The following ABCG2 variants were observed in gnomAD, a reference collection of about 807,000 sequenced individuals.
ABCG2 encodes broad substrate specificity ATP-binding cassette transporter ABCG2.
A neutral mutation model predicts 73.5 loss-of-function variants in ABCG2; 80 were observed. That is an observed-to-expected ratio of 1.09 (90% CI 0.91 to 1.31). The LOEUF is 1.31. Ranked by LOEUF, ABCG2 falls within the 50% of genes most tolerant of loss-of-function variation. The pLI is 0.00. For synonymous variants in ABCG2, 269 were observed against 282.4 expected, an observed-to-expected ratio of 0.95 and a Z score of 0.48; for missense variants, 796 against 786.2, an observed-to-expected ratio of 1.01 and a Z score of -0.15.
rs184709783 is a variant in ABCG2 at position 88,182,024 on chromosome 4, A to G, written c.-19-42010T>C. Among the ~76,000 whole-genome samples, 588 of 152,264 alleles carry G rather than the reference A, an allele frequency of 3.9e-3. 2 individuals are homozygous for G. The highest frequency in any genetic ancestry group is 0.013 in the African/African-American group (552 of 41,560). ...AAAAACAAAACTCAATGATCTATTG[A>G]CTGCAAGAAACACTTCACCTATAAA... On this transcript the variant is annotated intron_variant, in intron 1 of 15. Coordinates refer to the ABCG2 transcript ENST00000515655.
intron 1 of ABCG2, among the ~76,000 whole-genome samples, chr4:88,141,791 A>G (rs1238700155): frequency 6.6e-6 from 1 of 152,202 alleles, no homozygotes; most frequent in African/African-American, 2.4e-5. Context: ...ACAGAACCTG[A>G]TGTTCCGGAA....
At chr4:88,192,541 T>C (rs560443494) in intron 1 of ABCG2, among the ~76,000 whole-genome samples, 8 of 151,776 alleles carry the variant, frequency 5.3e-5, no homozygotes, top group Admixed American at 4.6e-4. Context: ...TGCCTCAGCC[T>C]CCCGAGTAGC....
rs1157077414 is a variant in ABCG2 at position 88,113,304 on chromosome 4, T to C, written c.1193A>G (p.Gln398Arg). The change falls in exon 9 of 16, where the codon CAG (glutamine) becomes CGG (arginine). Residue 398 changes from glutamine to arginine, a missense_variant and splice_region_variant. Coordinates refer to ENST00000237612, the MANE Select transcript of ABCG2 (RefSeq NM_004827.3). ...LLGNPQASIA[Q>R]IIVTVVLGLV... ...ATTTCAAAAGAATCTGCTGGTTACCTGAGCTATAGAGGCCTGGGGATTACC... is the reference window on the plus strand; with the variant it reads ...ATTTCAAAAGAATCTGCTGGTTACCCGAGCTATAGAGGCCTGGGGATTACC... 1 of 1,612,284 alleles carries C rather than the reference T, an allele frequency of 6.2e-7. No homozygotes were observed. The highest frequency in any genetic ancestry group is 1.3e-5 in the African/African-American group (1 of 74,780).
At chr4:88,100,478 G>C (rs1316585943) in intron 11 of ABCG2, among the ~76,000 whole-genome samples, 1 of 151,408 alleles carries the variant, frequency 6.6e-6, no homozygotes, top group Non-Finnish European at 1.5e-5. Context: ...ACTCCAGCCT[G>C]GGAGACAGAG....
rs566154813 is a variant in ABCG2 at position 88,203,552 on chromosome 4, G to A, written c.-20+27442C>T. Among the ~76,000 whole-genome samples, 10 of 152,206 alleles carry A rather than the reference G, an allele frequency of 6.6e-5. No homozygotes were observed. In the East Asian group the frequency reaches 1.4e-3, roughly 21 times the overall value. On this transcript the variant is annotated intron_variant, in intron 1 of 15. Coordinates refer to the ABCG2 transcript ENST00000515655. The stretch of plus-strand genomic sequence containing the variant: ...TTGGGTCACCTGAGGCCACGAGTTC[G>A]AGACTAGCCTGGCCAACATGGGGAA...
At chr4:88,154,856 T>C (rs1437152070) in intron 1 of ABCG2, among the ~76,000 whole-genome samples, 1 of 152,080 alleles carries the variant, frequency 6.6e-6, no homozygotes, top group Non-Finnish European at 1.5e-5. Context: ...GAGAGTGAGT[T>C]GAGCATAGTT....
At chr4:88,192,935 A>G (rs962017232) in intron 1 of ABCG2, among the ~76,000 whole-genome samples, 3 of 150,110 alleles carry the variant, frequency 2.0e-5, no homozygotes, top group African/African-American at 7.4e-5. Flanking sequence ...CTGGTCTCAA[A>G]CTCCTGACCT....
intron 7 of ABCG2, among the ~76,000 whole-genome samples, chr4:88,115,530 C>T (rs1295990330): frequency 2.7e-5 from 4 of 149,944 alleles, no homozygotes; most frequent in African/African-American, 4.9e-5. Flanking sequence ...GTGATCCACC[C>T]GCCTCGGCCT....
At position 88,172,594 on chromosome 4, in the gene ABCG2, ATT is replaced by A. The variant is rs1491560317; in HGVS notation, c.-19-32582_-19-32581del. Among the ~76,000 whole-genome samples the A allele has an allele frequency of 1.5e-4, 19 of 124,902 alleles. 1 individual carries two copies. The East Asian group carries it at 1.8e-3, about 12-fold the overall frequency. 81.9% of individuals were successfully genotyped at this position (124,902 alleles called of 152,430 possible). ...CTCTGTCTCAGGGAAAAAAAAAAAA[ATT>A]AATTAATTAATTAAATTAATAAGTA... On this transcript the variant is annotated intron_variant, in intron 1 of 15. Transcript: ENST00000515655.
At chr4:88,101,699 T>C (rs1475701536) in intron 10 of ABCG2, among the ~76,000 whole-genome samples, 1 of 152,104 alleles carries the variant, frequency 6.6e-6, no homozygotes, top group East Asian at 1.9e-4. Context: ...AAGAGCGTCC[T>C]AATAGGAAGA....
At chr4:88,204,509 T>C (rs1306693276) in intron 1 of ABCG2, among the ~76,000 whole-genome samples, 1 of 152,178 alleles carries the variant, frequency 6.6e-6, no homozygotes, top group Non-Finnish European at 1.5e-5. Flanking sequence ...ATGTTTAGGG[T>C]CCCATTTGGA....
intron 1 of ABCG2, among the ~76,000 whole-genome samples, chr4:88,219,260 C>T (rs931544939): frequency 4.6e-5 from 7 of 152,170 alleles, no homozygotes; most frequent in African/African-American, 1.7e-4. Context: ...CGCAAGTATT[C>T]ACTGAATAGC....
At chr4:88,192,672 G>C (rs1409405191) in intron 1 of ABCG2, among the ~76,000 whole-genome samples, 1 of 150,814 alleles carries the variant, frequency 6.6e-6, no homozygotes, top group Non-Finnish European at 1.5e-5. Flanking sequence ...ACCTACCTCT[G>C]TCTCCCAATG....
chr4:88,170,984 C>T (rs1014686792), intron 1 of ABCG2, among the ~76,000 whole-genome samples: 2 of 152,010 alleles, frequency 1.3e-5, no homozygotes, highest in African/African-American at 2.4e-5. Flanking sequence ...CGGATGGAGC[C>T]GGAGACTATT....
At position 88,170,576 on chromosome 4, in the gene ABCG2, G is replaced by A. The variant is rs147307831; in HGVS notation, c.-19-30562C>T. 6.1e-3 allele frequency among the ~76,000 whole-genome samples: 935 copies of A among 152,312 alleles called. 26 individuals carry two copies. In the South Asian group the frequency reaches 0.088, roughly 14 times the overall value. Reference sequence around the variant, plus strand: ...AGATAAGCTACTAGGGCAAGCCCACGCCACCTGGCACCTACTAGCCCCCTT... The same window carrying A: ...AGATAAGCTACTAGGGCAAGCCCACACCACCTGGCACCTACTAGCCCCCTT... On this transcript the variant is annotated intron_variant, in intron 1 of 15. Transcript: ENST00000515655.
chr4:88,191,083 A>C (rs1193655817), intron 1 of ABCG2, among the ~76,000 whole-genome samples: 1 of 151,114 alleles, frequency 6.6e-6, no homozygotes, highest in Non-Finnish European at 1.5e-5. Flanking sequence ...AAAAATACAC[A>C]CACAAAAAAA....
At chr4:88,219,575 A>ATT (rs1729933644) in intron 1 of ABCG2, among the ~76,000 whole-genome samples, 4 of 68,388 alleles carry the variant, frequency 5.8e-5, no homozygotes, top group Admixed American at 2.3e-4. Context: ...GTACCATTCA[A>ATT]ATTTTTTTTT....
intron 1 of ABCG2, among the ~76,000 whole-genome samples, chr4:88,176,022 G>A (rs1727952331): frequency 6.6e-6 from 1 of 152,154 alleles, no homozygotes; most frequent in African/African-American, 2.4e-5. Context: ...CAACCCTTGT[G>A]AAAAATTCCT....
chr4:88,218,926 A>G (rs898704205), intron 1 of ABCG2, among the ~76,000 whole-genome samples: 1 of 152,162 alleles, frequency 6.6e-6, no homozygotes, highest in African/African-American at 2.4e-5. Flanking sequence ...ATCACTCTAT[A>G]TTGGCATTGT....
Sources: allele counts gnomAD v4.1 joint callset (sites outside exome capture counted in the v4.1 genomes callset), GRCh38; gene constraint gnomAD v4.1.1; transcripts MANE v1.5; gene names NCBI Gene and HGNC (gene_info 2026-07-23, HGNC 2026-07-21).